Variants in STX8 observed in about 807,000 individuals in gnomAD.
STX8 encodes the protein syntaxin-8.
In STX8, 23 loss-of-function variants were observed where a neutral mutation model predicts 37.5. The observed-to-expected ratio is 0.61, with a 90% CI of 0.44 to 0.87. The LOEUF (loss-of-function observed/expected upper bound fraction) is 0.87. Among genes scored for constraint, STX8 ranks in the 40% least tolerant of loss-of-function variants. STX8 has a pLI of 0.00. For missense variants in STX8, 313 were observed against 284.7 expected, an observed-to-expected ratio of 1.10 and a Z score of -0.71; for synonymous variants, 115 against 99.1, an observed-to-expected ratio of 1.16 and a Z score of -0.95.
intron 3 of STX8, chr17:9,555,044 A>C (rs893201509): frequency 2.0e-5 from 3 of 152,218 alleles, no homozygotes; most frequent in African/African-American, 7.2e-5. Flanking sequence ...TATTTGAAAA[A>C]ATAAATAGAA....
intron 6 of STX8, among the ~76,000 whole-genome samples, chr17:9,393,347 G>C (rs1567541743): frequency 1.3e-5 from 2 of 152,168 alleles, no homozygotes; most frequent in Non-Finnish European, 2.9e-5. Flanking sequence ...TAAGAGAACA[G>C]CTAAAGGAAG....
At chr17:9,432,783 G>C (rs1473944192) in intron 6 of STX8, among the ~76,000 whole-genome samples, 2 of 152,170 alleles carry the variant, frequency 1.3e-5, no homozygotes, top group Non-Finnish European at 2.9e-5. Flanking sequence ...CAGAGTCTTT[G>C]AAAACATTTA....
intron 2 of STX8, among the ~76,000 whole-genome samples, chr17:9,567,095 A>G (rs1907490743): frequency 6.6e-6 from 1 of 152,196 alleles, no homozygotes; most frequent in Admixed American, 6.5e-5. Flanking sequence ...AGAGAGAGCT[A>G]ACTGGTGAGA....
chr17:9,399,857 C>G (rs539332363), intron 6 of STX8, among the ~76,000 whole-genome samples: 1 of 131,158 alleles, frequency 7.6e-6, no homozygotes, highest in Non-Finnish European at 1.6e-5. Flanking sequence ...CAGGGAGAGA[C>G]TCTGTCTCAA....
chr17:9,293,406 G>A (rs887101412), intron 7 of STX8, among the ~76,000 whole-genome samples: 3 of 152,056 alleles, frequency 2.0e-5, no homozygotes, highest in African/African-American at 7.2e-5. Context: ...GGCTTCCTGG[G>A]GAAGTCATCC....
chr17:9,495,473 T>C (rs1904349532), intron 5 of STX8, among the ~76,000 whole-genome samples: 1 of 152,158 alleles, frequency 6.6e-6, no homozygotes, highest in South Asian at 2.1e-4. Flanking sequence ...TCCTCCACAG[T>C]TTCCATTAGG....
intron 4 of STX8, among the ~76,000 whole-genome samples, chr17:9,529,030 A>G (rs963159463): frequency 6.6e-6 from 1 of 152,200 alleles, no homozygotes; most frequent in African/African-American, 2.4e-5. Context: ...TTACAGGGAC[A>G]TGGAGGGAAG....
chr17:9,543,301 T>TC (rs1053535017), intron 4 of STX8, among the ~76,000 whole-genome samples: 7 of 23,128 alleles, frequency 3.0e-4, no homozygotes, highest in Non-Finnish European at 6.9e-4. Context: ...AGTTTTTTGG[T>TC]TTTTTTTTTT....
intron 3 of STX8, among the ~76,000 whole-genome samples, chr17:9,546,466 C>T (rs999791128): frequency 2.3e-5 from 2 of 87,584 alleles, no homozygotes; most frequent in African/African-American, 4.7e-5. Context: ...AATAGGTGGA[C>T]GAGAATGCGG....
chr17:9,466,950 G>T (rs575331727), intron 6 of STX8: 1 of 152,356 alleles, frequency 6.6e-6, no homozygotes, highest in South Asian at 2.1e-4. Context: ...GAGGGCAGTG[G>T]CGCGATCTTG....
At chr17:9,532,183 C>T (rs1053917671) in intron 4 of STX8, among the ~76,000 whole-genome samples, 2 of 151,616 alleles carry the variant, frequency 1.3e-5, no homozygotes, top group Admixed American at 6.6e-5. Context: ...AAAATCCGGA[C>T]TAAGTAGCTA....
At chr17:9,276,747 T>TG (rs1471569995) in intron 7 of STX8, among the ~76,000 whole-genome samples, 3 of 151,086 alleles carry the variant, frequency 2.0e-5, no homozygotes, top group Admixed American at 1.3e-4. Flanking sequence ...GCCATTCTCC[T>TG]GCCTCAGCCT....
intron 7 of STX8, among the ~76,000 whole-genome samples, chr17:9,376,506 G>A (rs1911591566): frequency 6.6e-6 from 1 of 152,172 alleles, no homozygotes; most frequent in Admixed American, 6.5e-5. Context: ...GCAGGACATG[G>A]GCGGAGCCAA....
intron 6 of STX8, among the ~76,000 whole-genome samples, chr17:9,426,440 T>C (rs770887579): frequency 1.3e-5 from 2 of 152,154 alleles, no homozygotes; most frequent in Admixed American, 6.5e-5. Flanking sequence ...GGCAGGAGAA[T>C]TGCTTGAACC....
At chr17:9,432,941 A>G (rs1914029698) in intron 6 of STX8, among the ~76,000 whole-genome samples, 1 of 152,234 alleles carries the variant, frequency 6.6e-6, no homozygotes, top group African/African-American at 2.4e-5. Context: ...ATTTTCCTCC[A>G]TGGAATACTC....
intron 7 of STX8, among the ~76,000 whole-genome samples, chr17:9,343,394 G>A (rs1910438271): frequency 6.7e-6 from 1 of 149,600 alleles, no homozygotes; most frequent in Admixed American, 6.8e-5. Flanking sequence ...ATGAAGCTAC[G>A]TCTATTTAAA....
intron 6 of STX8, among the ~76,000 whole-genome samples, chr17:9,429,611 G>A (rs1913773919): frequency 7.4e-6 from 1 of 136,044 alleles, no homozygotes; most frequent in Non-Finnish European, 1.5e-5. Context: ...GCTGAGGCAG[G>A]AGAATGGCGT....
At chr17:9,510,523 T>C (rs988288914) in intron 4 of STX8, among the ~76,000 whole-genome samples, 4 of 151,956 alleles carry the variant, frequency 2.6e-5, no homozygotes, top group African/African-American at 9.7e-5. Flanking sequence ...GAACAGCCAG[T>C]GAGTGAAGGA....
intron 7 of STX8, among the ~76,000 whole-genome samples, chr17:9,267,158 T>C (rs1051494094): frequency 6.6e-6 from 1 of 152,188 alleles, no homozygotes; most frequent in African/African-American, 2.4e-5. Context: ...CACCATGGGC[T>C]GCGAGGGCAG....
Sources: allele counts gnomAD v4.1 joint callset (sites outside exome capture counted in the v4.1 genomes callset), GRCh38; gene constraint gnomAD v4.1.1; transcripts MANE v1.5; gene names NCBI Gene and HGNC (gene_info 2026-07-23, HGNC 2026-07-21).